SLITRK2: variants seen among roughly 807,000 people sequenced by gnomAD.
SLITRK2 encodes SLIT and NTRK like family member 2, also known as SLIT and NTRK-like protein 2.
In SLITRK2, 13 loss-of-function variants were observed where a neutral mutation model predicts 35.4. The ratio of observed to expected loss-of-function variants is 0.37; its 90% CI spans 0.24 to 0.58. The LOEUF is 0.58. Among genes scored for constraint, SLITRK2 ranks in the 20% least tolerant of loss-of-function variants. SLITRK2 has a pLI of 0.75. For missense variants in SLITRK2, 471 were observed against 634.3 expected (o/e 0.74, Z 2.76); for synonymous variants, 294 against 264.7 (o/e 1.11, Z -1.07).
intron 4 of SLITRK2, 46 bp from the exon 5 acceptor site, chrX:145,822,337 T>G (rs2073034967): frequency 1.2e-6 from 1 of 840,221 alleles, no homozygotes; most frequent in Non-Finnish European, 1.7e-6. Context: ...GGCTTCCTTG[T>G]TTCTTTCTTC....
rs2124150215 is a variant in SLITRK2 at position 145,822,583 on chromosome X, C to T, written c.158C>T (p.Thr53Ile). The T allele has an allele frequency of 8.3e-7, 1 of 1,211,632 alleles. No homozygotes were observed. Among genetic ancestry groups the T allele is most frequent in the Non-Finnish European group, 1.1e-6 (1 of 895,267 alleles). ...NINCENKGFT[T>I]VSLLQPPQYR... is the part of the protein sequence containing the mutation. ...AACTGTGAGAACAAAGGATTTACAA[C>T]AGTTAGCCTGCTCCAGCCCCCCCAG... The change falls in exon 5 of 5, where the codon ACA (threonine) becomes ATA (isoleucine). Residue 53 changes from threonine (T) to isoleucine (I), a missense_variant. Thr to Ile is a moderately conservative substitution (Grantham distance 89). This residue lies in a region of SLITRK2 where 98 missense variants were observed against 120.6 expected (regional missense o/e 0.81). Coordinates refer to ENST00000335565, the MANE Select transcript of SLITRK2 (RefSeq NM_032539.5).
Position 145,824,736 on chromosome X carries a change from C to T in SLITRK2, c.2311C>T (p.Leu771=), listed in dbSNP as rs1556945183. ...AGTCAAGGAACTTCCCAGCGCAGGC[C>T]TAGTCCACTATAACTTTTGTACCTT... ...ERVKELPSAG[L]VHYNFCTLPK... is the part of the protein sequence containing the mutation. Residue 771 remains leucine, a synonymous_variant, in exon 5 of 5, where the codon CTA becomes TTA. Coordinates refer to ENST00000335565, the MANE Select transcript of SLITRK2 (RefSeq NM_032539.5). 4.1e-6 allele frequency: 5 copies of T among 1,211,348 alleles called. No individual in the cohort carries two copies. Among genetic ancestry groups the T allele is most frequent in the Non-Finnish European group, 4.5e-6 (4 of 895,434 alleles).
At chrX:145,818,940 C>G (rs977048234) in intron 1 of SLITRK2, 5 of 112,045 alleles carry the variant, frequency 4.5e-5, no homozygotes, top group Non-Finnish European at 9.4e-5. Flanking sequence ...AAGTGGTTAT[C>G]GCGTTTCAGG....
Position 145,824,748 on chromosome X carries a change from A to G in SLITRK2, c.2323A>G (p.Asn775Asp). 2 of 1,211,288 alleles carry G rather than the reference A, an allele frequency of 1.7e-6. No homozygotes were observed. Among genetic ancestry groups the G allele is most frequent in the Middle Eastern group, 2.3e-4 (1 of 4,350 alleles). The change falls in exon 5 of 5, where the codon AAC (asparagine) becomes GAC (aspartate). Residue 775 changes from asparagine to aspartate, a missense_variant. Coordinates refer to ENST00000335565, the MANE Select transcript of SLITRK2 (RefSeq NM_032539.5). ...TCCCAGCGCAGGCCTAGTCCACTAT[A>G]ACTTTTGTACCTTACCTAAAAGGCA... ...ELPSAGLVHY[N>D]FCTLPKRQFA...
Position 145,822,833 on chromosome X carries a change from G to A in SLITRK2, c.408G>A (p.Leu136=), listed in dbSNP as rs2124157600. Residue 136 remains leucine, a synonymous_variant, in exon 5 of 5, where the codon CTG becomes CTA. Transcript: ENST00000335565. ...REDTFLGLES[L]EYLQADYNYI... is the part of the protein sequence containing the mutation. ...ACACCTTCCTAGGCCTGGAGAGCCTGGAGTATCTCCAGGCCGACTACAATT... is the reference window on the plus strand; with the variant it reads ...ACACCTTCCTAGGCCTGGAGAGCCTAGAGTATCTCCAGGCCGACTACAATT... 1 of 1,209,777 alleles carries A rather than the reference G, an allele frequency of 8.3e-7. No individual in the cohort carries two copies. The highest frequency in any genetic ancestry group is 1.1e-6 in the Non-Finnish European group (1 of 894,147).
In SLITRK2 at chrX:145,827,705, T is replaced by G. The variant is rs1556946115; in HGVS notation, c.*2742T>G. The G allele has an allele frequency of 6.1e-6, 7 of 1,138,987 alleles. No individual in the cohort carries two copies. Among genetic ancestry groups the G allele is most frequent in the Non-Finnish European group, 8.2e-6 (7 of 848,890 alleles). The allele number at this position is 1,138,987 out of a possible 1,213,427, so 93.9% of individuals were successfully genotyped here. ...GTATTCCAGACTATTTTATTTAAAA[T>G]CATCATACATCATATACTTTGAACC... On this transcript the variant is annotated 3_prime_UTR_variant, in exon 5 of 5. Coordinates refer to ENST00000335565, the MANE Select transcript of SLITRK2 (RefSeq NM_032539.5).
rs1395089540 is a variant in SLITRK2, at chrX:145,827,848, GATTTTT to G, written c.*2894_*2899del. On this transcript the variant is annotated 3_prime_UTR_variant, in exon 5 of 5. Coordinates refer to ENST00000335565, the MANE Select transcript of SLITRK2 (RefSeq NM_032539.5). The stretch of plus-strand genomic sequence containing the variant: ...CACTTTCGACCATATTTTATTTTAG[GATTTTT>G]ATTTTTATCTTCCACAGCTGGATAT... 3.3e-6 allele frequency: 4 copies of G among 1,209,591 alleles called. No individual in the cohort carries two copies. In the Admixed American group the frequency reaches 6.6e-5, roughly 20 times the overall value.
intron 2 of SLITRK2, chrX:145,820,921 T>A: frequency 9.1e-6 from 1 of 109,985 alleles, no homozygotes; most frequent in Non-Finnish European, 1.9e-5. Flanking sequence ...GAATCAGGGC[T>A]CTGTATGTAA....
chrX:145,823,666 T>C lies in SLITRK2; in HGVS notation c.1241T>C (p.Ile414Thr). ...LHLGNNRIAV[I>T]QEGAFTNLTS... Reference sequence around the variant, plus strand: ...TTAGGAAACAACAGGATTGCAGTCATTCAGGAAGGTGCCTTTACAAACCTG... The same window carrying C: ...TTAGGAAACAACAGGATTGCAGTCACTCAGGAAGGTGCCTTTACAAACCTG... Residue 414 changes from isoleucine (I) to threonine (T), a missense_variant, in exon 5 of 5, where the codon ATT (isoleucine) becomes ACT (threonine). Ile to Thr is a moderately conservative substitution (Grantham distance 89). Around this residue, in one of 7 missense-constraint regions of SLITRK2, gnomAD observed 92 missense variants for 184.2 expected, o/e 0.50. Transcript: ENST00000335565. The C allele has an allele frequency of 1.7e-6, 2 of 1,211,455 alleles. No individual in the cohort carries two copies. Among genetic ancestry groups the C allele is most frequent in the Non-Finnish European group, 2.2e-6 (2 of 895,308 alleles).
rs781811904 is a variant in SLITRK2 at position 145,824,645 on chromosome X, T to G, written c.2220T>G (p.Thr740=). ...CACCTGCTTACACAATAAGTGCCAC[T>G]GAGCTGCTAGAAAAGCAGGCCACAC... ...PATPAYTISA[T]ELLEKQATPR... is the part of the protein sequence containing the mutation. Residue 740 remains threonine, a synonymous_variant, in exon 5 of 5, where the codon ACT becomes ACG. Transcript: ENST00000335565. 1 of 1,209,294 alleles carries G rather than the reference T, an allele frequency of 8.3e-7. No individual in the cohort carries two copies. The highest frequency in any genetic ancestry group is 3.0e-5 in the East Asian group (1 of 33,729).
Position 145,827,909 on chromosome X carries a change from TTTAA to T in SLITRK2, c.*2947_*2950del. On this transcript the variant is annotated 3_prime_UTR_variant, in exon 5 of 5. Transcript: ENST00000335565. ...ATTTCACTTTTATTTCACATGCAGC[TTTAA>T]GACGTATGAGCATCAGCACAGCAAA... is the stretch of plus-strand genomic sequence containing the variant. 2 of 1,211,812 alleles carry T rather than the reference TTTAA, an allele frequency of 1.7e-6. No individual in the cohort carries two copies. The highest frequency in any genetic ancestry group is 1.8e-5 in the South Asian group (1 of 56,964).
In SLITRK2 at chrX:145,822,914, C is replaced by G. The variant is rs55810646; in HGVS notation, c.489C>G (p.Leu163=). ...AFSKLNKLKV[L]ILNDNLLLSL... Reference sequence around the variant, plus strand: ...GCAAACTTAACAAGCTCAAAGTGCTCATCCTGAATGACAACCTTCTGCTTT... The same window carrying G: ...GCAAACTTAACAAGCTCAAAGTGCTGATCCTGAATGACAACCTTCTGCTTT... The change falls in exon 5 of 5, where the codon CTC becomes CTG. Residue 163 remains leucine (L), a synonymous_variant. Transcript: ENST00000335565. The G allele has an allele frequency of 0.019, 23,220 of 1,209,360 alleles. 227 individuals carry two copies. The highest frequency in any genetic ancestry group is 0.044 in the South Asian group (2,502 of 56,689).
intron 2 of SLITRK2, 95 bp downstream of exon 2, chrX:145,820,631 C>T (rs1339851396): frequency 9.0e-6 from 1 of 111,565 alleles, no homozygotes; most frequent in East Asian, 2.9e-4. Context: ...TCCTAGCTCC[C>T]CTGCCCCTGC....
chrX:145,824,937 A>T lies in SLITRK2; in HGVS notation c.2512A>T (p.Lys838Ter), dbSNP rs782699830. The change falls in exon 5 of 5, where the codon AAA becomes TAA. Residue 838 changes from lysine (K) to a stop codon, truncating the protein, a stop_gained. Transcript: ENST00000335565. LOFTEE classifies it high-confidence loss of function. ...ACCGGACTACCTCGAAGTTCTGGAA[A>T]AACAAACTGCAATCAGTCAGCTGTG... The part of the protein sequence containing the change: ...SEPDYLEVLE[K>*]QTAISQL The T allele has an allele frequency of 8.3e-7, 1 of 1,209,840 alleles. No individual in the cohort carries two copies. Among genetic ancestry groups the T allele is most frequent in the Admixed American group, 2.2e-5 (1 of 45,751 alleles).
intron 4 of SLITRK2, 94 bp from the exon 5 acceptor site, chrX:145,822,289 G>A (rs782706872): frequency 1.6e-5 from 8 of 486,386 alleles, no homozygotes; most frequent in South Asian, 3.4e-5. Context: ...ATTCTCCCTC[G>A]CTCCCACTCC....
intron 1 of SLITRK2, chrX:145,820,006 A>G (rs2124128279): frequency 8.9e-6 from 1 of 112,138 alleles, no homozygotes; most frequent in East Asian, 2.8e-4. Flanking sequence ...GCTTGTATAA[A>G]GGGAACAATC....
In SLITRK2 at chrX:145,827,832, C is replaced by G; in HGVS notation, c.*2869C>G. The G allele has an allele frequency of 8.3e-7, 1 of 1,211,702 alleles. No homozygotes were observed. Among genetic ancestry groups the G allele is most frequent in the Non-Finnish European group, 1.1e-6 (1 of 895,514 alleles). Reference sequence around the variant, plus strand: ...GCTTTATCTGCTCAAGCACTTTCGACCATATTTTATTTTAGGATTTTTATT... The same window carrying G: ...GCTTTATCTGCTCAAGCACTTTCGAGCATATTTTATTTTAGGATTTTTATT... On this transcript the variant is annotated 3_prime_UTR_variant, in exon 5 of 5. Transcript: ENST00000335565.
chrX:145,824,066 C>T lies in SLITRK2; in HGVS notation c.1641C>T (p.Ala547=), dbSNP rs1471840682. The T allele has an allele frequency of 1.3e-5, 16 of 1,208,490 alleles. No individual in the cohort carries two copies. Among genetic ancestry groups the T allele is most frequent in the Non-Finnish European group, 1.7e-5 (15 of 894,578 alleles). ...IMGLKDWTEH[A]NSPVIINEVT... ...GGCTGAAAGACTGGACAGAACATGC[C>T]AATTCCCCTGTCATCATTAATGAGG... The change falls in exon 5 of 5, where the codon GCC becomes GCT. Residue 547 remains alanine, a synonymous_variant. Transcript: ENST00000335565.
In SLITRK2 at chrX:145,829,184, C is replaced by T. The variant is rs73237937; in HGVS notation, c.*4221C>T. On this transcript the variant is annotated 3_prime_UTR_variant, in exon 5 of 5. Transcript: ENST00000335565. Reference sequence around the variant, plus strand: ...CTCACAATGATTGTGCAAAAAGTCACGTGTAAATTGAACTTTTGTAAATCA... The same window carrying T: ...CTCACAATGATTGTGCAAAAAGTCATGTGTAAATTGAACTTTTGTAAATCA... 8 of 123,653 alleles carry T rather than the reference C, an allele frequency of 6.5e-5. No individual in the cohort carries two copies. The highest frequency in any genetic ancestry group is 1.1e-4 in the Non-Finnish European group (6 of 53,353). The allele number at this position is 123,653 out of a possible 1,213,427, so 10.2% of individuals were successfully genotyped here. A position where few individuals can be genotyped will look rare whatever the true frequency, so the allele number is the denominator to read the frequency against.
Sources: gnomAD v4.1 joint callset for allele counts on GRCh38, gnomAD v4.1.1 for gene constraint, gnomAD v4.1.1 regional missense constraint, MANE v1.5 for transcripts, NCBI Gene and HGNC (gene_info 2026-07-23, HGNC 2026-07-21) for gene names.